Variants in SYTL2 observed in about 807,000 individuals in gnomAD.
The protein encoded by SYTL2 is synaptotagmin-like protein 2.
Under a neutral mutation model 198.7 loss-of-function variants are expected in SYTL2, and 165 were observed. That is an observed-to-expected ratio of 0.83 (90% CI 0.73 to 0.94). The LOEUF (loss-of-function observed/expected upper bound fraction) is 0.94, where lower values mean the gene tolerates loss of function less well. Among genes scored for constraint, SYTL2 ranks in the 40% least tolerant of loss-of-function variants. The pLI is 0.00. For missense variants in SYTL2, 2,835 were observed against 2,582.8 expected, an observed-to-expected ratio of 1.10 and a Z score of -2.12; for synonymous variants, 966 against 917.7, an observed-to-expected ratio of 1.05 and a Z score of -0.95.
At position 85,757,738 on chromosome 11, in the gene SYTL2, A is replaced by G; in HGVS notation, c.-13T>C. ...TTAAGTCAATCATTTTGAAAAGTGC[A>G]TGCAAAAATAATAGCAACAAATGTG... On this transcript the variant is annotated 5_prime_UTR_variant, in exon 2 of 20. An upstream start codon of the reference 5' UTR is lost. Coordinates refer to ENST00000359152, the MANE Select transcript of SYTL2 (RefSeq NM_206927.4). 6.2e-7 allele frequency: 1 copy of G among 1,610,350 alleles called. No homozygotes were observed. The highest frequency in any genetic ancestry group is 1.3e-5 in the African/African-American group (1 of 75,042).
chr11:85,758,341 G>A (rs956370433), intron 1 of SYTL2, among the ~76,000 whole-genome samples: 3 of 152,130 alleles, frequency 2.0e-5, no homozygotes, highest in Non-Finnish European at 4.4e-5. Context: ...AGTGTTTAAC[G>A]ATCCACCTGA....
intron 1 of SYTL2, among the ~76,000 whole-genome samples, chr11:85,777,411 A>T (rs2092469631): frequency 6.6e-6 from 1 of 152,206 alleles, no homozygotes; most frequent in Non-Finnish European, 1.5e-5. Context: ...GGTGTGACTT[A>T]TCACATGCCT....
chr11:85,828,373 G>T, the SYTL2 span, among the ~76,000 whole-genome samples: 1 of 152,192 alleles, frequency 6.6e-6, no homozygotes, highest in African/African-American at 2.4e-5. Context: ...TCTTTAGATA[G>T]TATTACTCAA....
At chr11:85,716,556 T>C (rs544807151) in intron 11 of SYTL2, 1 of 152,312 alleles carries the variant, frequency 6.6e-6, no homozygotes, top group South Asian at 2.1e-4. Context: ...CATTAAGCCC[T>C]ATTAGCATAT....
rs1004200967 is a variant in SYTL2 at position 85,694,346 on chromosome 11, C to T, written c.*849G>A. 1 of 152,092 alleles carries T rather than the reference C, an allele frequency of 6.6e-6. No individual in the cohort carries two copies. Among genetic ancestry groups the T allele is most frequent in the African/African-American group, 2.4e-5 (1 of 41,398 alleles). The allele number at this position is 152,092 out of a possible 1,614,324, so 9.4% of individuals were successfully genotyped here. A position where few individuals can be genotyped will look rare whatever the true frequency, so the allele number is the denominator to read the frequency against. Reference sequence around the variant, plus strand: ...TTACAAAATACGAAAATTTTACATACATAAGAAGAACAGTATAACTGAGCA... The same window carrying T: ...TTACAAAATACGAAAATTTTACATATATAAGAAGAACAGTATAACTGAGCA... On this transcript the variant is annotated 3_prime_UTR_variant, in exon 20 of 20. Coordinates refer to ENST00000359152, the MANE Select transcript of SYTL2 (RefSeq NM_206927.4).
chr11:85,774,991 G>GTT (rs200646401), intron 1 of SYTL2, among the ~76,000 whole-genome samples: 31 of 146,822 alleles, frequency 2.1e-4, no homozygotes, highest in African/African-American at 4.2e-4. Flanking sequence ...GTGCCTTCCT[G>GTT]TTTTTTTTTT....
chr11:85,737,862 A>C (rs540063), intron 4 of SYTL2, among the ~76,000 whole-genome samples: 2 of 152,030 alleles, frequency 1.3e-5, no homozygotes, highest in South Asian at 4.1e-4. Context: ...AGACAAGTGA[A>C]GTGAGCAGGC....
intron 1 of SYTL2, among the ~76,000 whole-genome samples, chr11:85,771,913 TA>T (rs202024822): frequency 2.0e-5 from 3 of 151,784 alleles, no homozygotes; most frequent in African/African-American, 7.2e-5. Flanking sequence ...TATATATATA[TA>T]TTTTTTGAGA....
chr11:85,736,484 AT>A lies in SYTL2; in HGVS notation c.586+16del. The A allele has an allele frequency of 2.2e-6, 3 of 1,349,370 alleles. No homozygotes were observed. The African/African-American group carries it at 4.4e-5, about 20-fold the overall frequency. 83.6% of individuals were successfully genotyped at this position (1,349,370 alleles called of 1,614,324 possible). A position where few individuals can be genotyped will look rare whatever the true frequency, so the allele number is the denominator to read the frequency against. On this transcript the variant is annotated intron_variant, in intron 6 of 19. Coordinates refer to ENST00000359152, the MANE Select transcript of SYTL2 (RefSeq NM_206927.4). ...TAACAAAGATAAAAAAATCAAGTTC[AT>A]AAAAATAATATTTACCCTCTTTTGA...
intron 2 of SYTL2, among the ~76,000 whole-genome samples, chr11:85,749,767 G>C (rs544518514): frequency 6.6e-6 from 1 of 152,296 alleles, no homozygotes; most frequent in South Asian, 2.1e-4. Flanking sequence ...AACAACTGCT[G>C]GACTGTTGGT....
chr11:85,852,387 C>G, the SYTL2 span, among the ~76,000 whole-genome samples: 1 of 149,178 alleles, frequency 6.7e-6, no homozygotes, highest in African/African-American at 2.6e-5. Context: ...CACGGTCTCC[C>G]TCTCCCTCTC....
rs1021181531 is a variant in SYTL2, at chr11:85,709,241, C to G, written c.5915+90G>C. The G allele has an allele frequency of 3.9e-6, 5 of 1,290,326 alleles. No individual in the cohort carries two copies. The African/African-American group carries it at 5.9e-5, about 15-fold the overall frequency. 79.9% of individuals were successfully genotyped at this position (1,290,326 alleles called of 1,614,324 possible). A position where few individuals can be genotyped will look rare whatever the true frequency, so the allele number is the denominator to read the frequency against. ...ACATTCCTCTTAACACATACCCTCC[C>G]TCCTCTTGATTACTTTATTTCCTTC... On this transcript the variant is annotated intron_variant, in intron 14 of 19. Coordinates refer to ENST00000359152, the MANE Select transcript of SYTL2 (RefSeq NM_206927.4).
intron 1 of SYTL2, among the ~76,000 whole-genome samples, chr11:85,768,255 CTAA>C (rs1209932163): frequency 6.6e-6 from 1 of 152,214 alleles, no homozygotes; most frequent in Non-Finnish European, 1.5e-5. Flanking sequence ...GATTTTGAAA[CTAA>C]TACAGGTAAA....
chr11:85,779,345 C>A (rs1056576824), intron 1 of SYTL2, among the ~76,000 whole-genome samples: 4 of 152,114 alleles, frequency 2.6e-5, no homozygotes, highest in Admixed American at 2.6e-4. Flanking sequence ...GCTATTATTT[C>A]TATGAAGAGC....
chr11:85,701,982 A>C (rs957727519), intron 16 of SYTL2, among the ~76,000 whole-genome samples: 1 of 152,148 alleles, frequency 6.6e-6, no homozygotes, highest in East Asian at 1.9e-4. Context: ...CTGAAAAGGT[A>C]AGCAGGACTT....
At chr11:85,719,081 C>T in intron 9 of SYTL2, 1 of 1,502,328 alleles carries the variant, frequency 6.7e-7, no homozygotes, top group Non-Finnish European at 8.9e-7. Context: ...CACACAGACT[C>T]CCAAGGGTTA....
chr11:85,708,838 T>C (rs1055373061), intron 14 of SYTL2, among the ~76,000 whole-genome samples: 8 of 21,632 alleles, frequency 3.7e-4, no homozygotes, highest in African/African-American at 2.4e-3. Context: ...TTCTCTGTGA[T>C]TTTTTTTTTT....
At chr11:85,790,907 T>A (rs2092718686) in intron 1 of SYTL2, among the ~76,000 whole-genome samples, 3 of 152,076 alleles carry the variant, frequency 2.0e-5, no homozygotes, top group Non-Finnish European at 4.4e-5. Context: ...CTCATGTCTG[T>A]AATCCCAACA....
chr11:85,755,755 G>C (rs551531283), intron 2 of SYTL2, among the ~76,000 whole-genome samples: 1 of 152,260 alleles, frequency 6.6e-6, no homozygotes, highest in East Asian at 1.9e-4. Flanking sequence ...GGAATCCCAG[G>C]TGCCAAGAAA....
Sources: gnomAD v4.1 joint callset for allele counts (sites outside exome capture counted in the v4.1 genomes callset) on GRCh38, gnomAD v4.1.1 for gene constraint, MANE v1.5 for transcripts, NCBI Gene and HGNC (gene_info 2026-07-23, HGNC 2026-07-21) for gene names.